ABLIM2: variants seen among roughly 807,000 people sequenced by gnomAD.
The protein encoded by ABLIM2 is actin-binding LIM protein 2.
A neutral mutation model predicts 97.7 loss-of-function variants in ABLIM2; 53 were observed. The observed-to-expected ratio is 0.54, with a 90% CI of 0.44 to 0.68. The LOEUF is 0.68. Among genes scored for constraint, ABLIM2 ranks in the 30% least tolerant of loss-of-function variants. ABLIM2 has a pLI of 0.00. For synonymous variants in ABLIM2, 361 were observed against 345.8 expected (o/e 1.04, Z -0.49); for missense variants, 835 against 867.2 (o/e 0.96, Z 0.47).
rs1791486030 is a variant in ABLIM2, at chr4:8,045,149, A to G, written c.900+15T>C. The G allele has an allele frequency of 6.2e-7, 1 of 1,612,338 alleles. No homozygotes were observed. The highest frequency in any genetic ancestry group is 1.7e-5 in the Admixed American group (1 of 60,000). On this transcript the variant is annotated intron_variant, in intron 9 of 20. Coordinates refer to ENST00000447017, the MANE Select transcript of ABLIM2 (RefSeq NM_001130083.2). Reference sequence around the variant, plus strand: ...ACCCTCCCACCGCCGTCCCCATAAAAAGGCCCTGACTTACATAAATCACAC... The same window carrying G: ...ACCCTCCCACCGCCGTCCCCATAAAGAGGCCCTGACTTACATAAATCACAC...
Position 8,158,779 on chromosome 4 carries a change from C to G in ABLIM2, c.-90G>C, listed in dbSNP as rs1578611719. On this transcript the variant is annotated 5_prime_UTR_variant, in exon 1 of 21. Coordinates refer to ENST00000447017, the MANE Select transcript of ABLIM2 (RefSeq NM_001130083.2). ...TGCCGCGCCCGCGCTATCCTCCGCC[C>G]GCCCGCCGGCTCCGCGCCCGCTCCT... 5.9e-6 allele frequency: 7 copies of G among 1,187,638 alleles called. No individual in the cohort carries two copies. Among genetic ancestry groups the G allele is most frequent in the Non-Finnish European group, 7.4e-6 (7 of 944,210 alleles). 73.6% of individuals were successfully genotyped at this position (1,187,638 alleles called of 1,614,324 possible). A position where few individuals can be genotyped will look rare whatever the true frequency, so the allele number is the denominator to read the frequency against.
chr4:8,145,742 TCATACACACA>T (rs1278329449), intron 1 of ABLIM2, among the ~76,000 whole-genome samples: 2 of 90,840 alleles, frequency 2.2e-5, no homozygotes, highest in African/African-American at 9.7e-5. Flanking sequence ...GACTACACAC[TCATACACACA>T]CACACACACA....
rs1850781213 is a variant in ABLIM2 at position 8,140,359 on chromosome 4, G to A, written c.10+18321C>T. On this transcript the variant is annotated intron_variant, in intron 1 of 20. Transcript: ENST00000447017. This position sits in a 1 kb window ranked among gnomAD's most constrained non-coding sequence, Gnocchi z 5.9. ...ACACACCACAGGGAGCCATGCAGTGGGATCCTACACGGCAGCTAAGGAATC... is the reference window on the plus strand; with the variant it reads ...ACACACCACAGGGAGCCATGCAGTGAGATCCTACACGGCAGCTAAGGAATC... 6.6e-6 allele frequency among the ~76,000 whole-genome samples: 1 copy of A among 152,164 alleles called. No homozygotes were observed. The highest frequency in any genetic ancestry group is 2.1e-4 in the South Asian group (1 of 4,832).
chr4:8,007,045 C>A, intron 16 of ABLIM2: 1 of 985,418 alleles, frequency 1.0e-6, no homozygotes, highest in South Asian at 4.7e-5. Context: ...TAAAGTGATT[C>A]TTTAACACAT....
At chr4:8,145,757 C>T (rs867487856) in intron 1 of ABLIM2, among the ~76,000 whole-genome samples, 3,846 of 139,052 alleles carry the variant, frequency 0.028, 136 homozygotes, top group African/African-American at 0.092. Flanking sequence ...CACACACACA[C>T]ACACACACAC....
In ABLIM2 at chr4:8,087,504, C is replaced by T. The variant is rs1047477902; in HGVS notation, c.454+665G>A. 3.3e-5 allele frequency among the ~76,000 whole-genome samples: 5 copies of T among 152,200 alleles called. No individual in the cohort carries two copies. Among genetic ancestry groups the T allele is most frequent in the South Asian group, 2.1e-4 (1 of 4,830 alleles). On this transcript the variant is annotated intron_variant, in intron 4 of 20. Transcript: ENST00000447017. This position sits in a 1 kb window ranked among gnomAD's most constrained non-coding sequence, Gnocchi z 4.6. ...CAGTGAACCCAAGGGCCCCTGACTG[C>T]GGGAGCCCGGAGCTCAGTGTTCCTC...
intron 7 of ABLIM2, among the ~76,000 whole-genome samples, chr4:8,056,023 G>T (rs907692034): frequency 6.9e-6 from 1 of 144,846 alleles, no homozygotes; most frequent in Non-Finnish European, 1.5e-5. Flanking sequence ...TGAGGCAGGA[G>T]AATCGCTTGA....
Position 8,123,526 on chromosome 4 carries a change from G to C in ABLIM2, c.11-16889C>G, listed in dbSNP as rs1395423631. Among the ~76,000 whole-genome samples, 3 of 152,164 alleles carry C rather than the reference G, an allele frequency of 2.0e-5. No individual in the cohort carries two copies. Among genetic ancestry groups the C allele is most frequent in the African/African-American group, 7.2e-5 (3 of 41,432 alleles). On this transcript the variant is annotated intron_variant, in intron 1 of 20. Coordinates refer to ENST00000447017, the MANE Select transcript of ABLIM2 (RefSeq NM_001130083.2). This position sits in a 1 kb window ranked among gnomAD's most constrained non-coding sequence, Gnocchi z 6.2. ...AGGCTGGTGTGAGGGAAGCATTTCC[G>C]GCATGTCTAATTAAAACTGGTCGTC...
rs1184824802 is a variant in ABLIM2 at position 8,002,633 on chromosome 4, C to T, written c.1618+5426G>A. Reference sequence around the variant, plus strand: ...CTTCTGGCGAGTCCCAGCTCCGCCACCCTCACCGTCTCGGTTTCCCAAGGC... The same window carrying T: ...CTTCTGGCGAGTCCCAGCTCCGCCATCCTCACCGTCTCGGTTTCCCAAGGC... On this transcript the variant is annotated intron_variant, in intron 16 of 20. Transcript: ENST00000447017. The surrounding 1 kb of genome is among the most constrained non-coding windows in gnomAD (Gnocchi z 6.1). 2.0e-5 allele frequency among the ~76,000 whole-genome samples: 3 copies of T among 152,168 alleles called. No homozygotes were observed. The highest frequency in any genetic ancestry group is 4.8e-5 in the African/African-American group (2 of 41,432).
rs938941058 is a variant in ABLIM2 at position 8,148,117 on chromosome 4, T to G, written c.10+10563A>C. Among the ~76,000 whole-genome samples, 7 of 152,126 alleles carry G rather than the reference T, an allele frequency of 4.6e-5. No homozygotes were observed. Among genetic ancestry groups the G allele is most frequent in the African/African-American group, 1.7e-4 (7 of 41,448 alleles). On this transcript the variant is annotated intron_variant, in intron 1 of 20. Transcript: ENST00000447017. The surrounding 1 kb of genome is among the most constrained non-coding windows in gnomAD (Gnocchi z 6.7). Reference sequence around the variant, plus strand: ...AGAAACCCCTCACCAAAGCCCACCATGCGCACCTTCCCCGGCAGAGAAGGG... The same window carrying G: ...AGAAACCCCTCACCAAAGCCCACCAGGCGCACCTTCCCCGGCAGAGAAGGG...
chr4:8,114,443 G>A (rs2152816351), intron 1 of ABLIM2, among the ~76,000 whole-genome samples: 1 of 152,324 alleles, frequency 6.6e-6, no homozygotes, highest in East Asian at 1.9e-4. Flanking sequence ...CTTACAGTGT[G>A]TCCCCTCCCT....
At position 8,085,641 on chromosome 4, in the gene ABLIM2, G is replaced by A. The variant is rs1382981490; in HGVS notation, c.454+2528C>T. Among the ~76,000 whole-genome samples the A allele has an allele frequency of 1.3e-5, 2 of 148,654 alleles. No individual in the cohort carries two copies. The highest frequency in any genetic ancestry group is 3.0e-5 in the Non-Finnish European group (2 of 67,358). On this transcript the variant is annotated intron_variant, in intron 4 of 20. Coordinates refer to ENST00000447017, the MANE Select transcript of ABLIM2 (RefSeq NM_001130083.2). This position sits in a 1 kb window ranked among gnomAD's most constrained non-coding sequence, Gnocchi z 6.1. ...CGCTGCAGCCCTGTCCACTCACGCA[G>A]GTCTGGGGGTGCCCACGCTGCAGCC...
chr4:7,970,118 T>A lies in ABLIM2; in HGVS notation c.1825-3015A>T, dbSNP rs1243525664. Among the ~76,000 whole-genome samples, 1 of 152,154 alleles carries A rather than the reference T, an allele frequency of 6.6e-6. No individual in the cohort carries two copies. The highest frequency in any genetic ancestry group is 1.5e-5 in the Non-Finnish European group (1 of 68,038). On this transcript the variant is annotated intron_variant, in intron 20 of 20. Coordinates refer to ENST00000447017, the MANE Select transcript of ABLIM2 (RefSeq NM_001130083.2). The surrounding 1 kb of genome is among the most constrained non-coding windows in gnomAD (Gnocchi z 5.3). ...ATTTCTAGCTTTATCCAAGACCTGGTGATACCAGACCTTGTTCCAGACATG... is the reference window on the plus strand; with the variant it reads ...ATTTCTAGCTTTATCCAAGACCTGGAGATACCAGACCTTGTTCCAGACATG...
chr4:8,066,263 G>A (rs1390954221), intron 6 of ABLIM2, among the ~76,000 whole-genome samples: 8 of 147,454 alleles, frequency 5.4e-5, no homozygotes, highest in African/African-American at 2.0e-4. Context: ...CCGAGATAGC[G>A]CCAGTGCACT....
chr4:8,024,713 GAA>G (rs1776224954), intron 12 of ABLIM2, among the ~76,000 whole-genome samples: 1 of 152,242 alleles, frequency 6.6e-6, no homozygotes, highest in Non-Finnish European at 1.5e-5. Context: ...ACCCCGGGTA[GAA>G]GCCTGACCTT....
chr4:7,966,912 G>A lies in ABLIM2; in HGVS notation c.*78C>T, dbSNP rs928323565. 4.8e-6 allele frequency: 4 copies of A among 839,074 alleles called. No individual in the cohort carries two copies. The highest frequency in any genetic ancestry group is 7.7e-6 in the Non-Finnish European group (4 of 519,038). The allele number at this position is 839,074 out of a possible 1,614,324, so 52.0% of individuals were successfully genotyped here. Reference sequence around the variant, plus strand: ...CAGAGAAGCCAGAGCAAGGTGTGTGGGAGGGGTGTGTGCGGTTCTCGCCAG... The same window carrying A: ...CAGAGAAGCCAGAGCAAGGTGTGTGAGAGGGGTGTGTGCGGTTCTCGCCAG... On this transcript the variant is annotated 3_prime_UTR_variant, in exon 21 of 21. Coordinates refer to ENST00000447017, the MANE Select transcript of ABLIM2 (RefSeq NM_001130083.2).
chr4:8,091,914 T>C lies in ABLIM2; in HGVS notation c.339-3630A>G, dbSNP rs190104028. On this transcript the variant is annotated intron_variant, in intron 3 of 20. Coordinates refer to ENST00000447017, the MANE Select transcript of ABLIM2 (RefSeq NM_001130083.2). ...TAACATAATATATATAATATATTGT[T>C]ATAATATATAATGTATATTATAATA... is the stretch of plus-strand genomic sequence containing the variant. Among the ~76,000 whole-genome samples, 22 of 117,832 alleles carry C rather than the reference T, an allele frequency of 1.9e-4. No individual in the cohort carries two copies. The East Asian group carries it at 4.8e-3, about 26-fold the overall frequency. The allele number at this position is 117,832 out of a possible 152,430, so 77.3% of individuals were successfully genotyped here.
At position 8,140,791 on chromosome 4, in the gene ABLIM2, G is replaced by C. The variant is rs1292628875; in HGVS notation, c.10+17889C>G. ...AAGGGCTGACGATATTCAGAAAAGA[G>C]TGCATTTACCCCAGCTCCTGAGTCA... On this transcript the variant is annotated intron_variant, in intron 1 of 20. Transcript: ENST00000447017. This position sits in a 1 kb window ranked among gnomAD's most constrained non-coding sequence, Gnocchi z 5.9. Among the ~76,000 whole-genome samples, 1 of 152,186 alleles carries C rather than the reference G, an allele frequency of 6.6e-6. No homozygotes were observed. Among genetic ancestry groups the C allele is most frequent in the Non-Finnish European group, 1.5e-5 (1 of 68,040 alleles).
At chr4:8,138,427 A>G (rs1850480092) in intron 1 of ABLIM2, among the ~76,000 whole-genome samples, 1 of 152,226 alleles carries the variant, frequency 6.6e-6, no homozygotes, top group Non-Finnish European at 1.5e-5. Context: ...ACCTGAGCAA[A>G]AAGACCAAAG....
Sources: allele counts gnomAD v4.1 joint callset (sites outside exome capture counted in the v4.1 genomes callset), GRCh38; gene constraint gnomAD v4.1.1; non-coding constraint Gnocchi (gnomAD v3.1); transcripts MANE v1.5; gene names NCBI Gene and HGNC (gene_info 2026-07-23, HGNC 2026-07-21).